NOX4: variants seen among roughly 807,000 people sequenced by gnomAD.
The protein encoded by NOX4 is NADPH oxidase 4, also known as kidney oxidase-1.
NOX4 carries 69 observed loss-of-function variants against 87.6 expected under a neutral mutation model. The observed-to-expected ratio is 0.79, with a 90% CI of 0.65 to 0.96. The LOEUF is 0.96. Among genes scored for constraint, NOX4 ranks in the 40% least tolerant of loss-of-function variants. The probability of loss-of-function intolerance (pLI) is 0.00; values close to 1 mark genes in which losing one functional copy is unlikely to be tolerated. For synonymous variants in NOX4, 275 were observed against 238.2 expected, an observed-to-expected ratio of 1.15 and a Z score of -1.42; for missense variants, 680 against 681.5, an observed-to-expected ratio of 1.00 and a Z score of 0.02.
intron 14 of NOX4, among the ~76,000 whole-genome samples, chr11:89,341,095 T>G (rs1945978332): frequency 1.3e-5 from 2 of 151,844 alleles, no homozygotes; most frequent in Non-Finnish European, 1.5e-5. Context: ...TAAGTTTTAG[T>G]TTAGTATTTC....
At chr11:89,397,042 T>C (rs1941542133) in intron 11 of NOX4, among the ~76,000 whole-genome samples, 1 of 152,140 alleles carries the variant, frequency 6.6e-6, no homozygotes, top group African/African-American at 2.4e-5. Flanking sequence ...ATTACACTTA[T>C]TCCAAAATTG....
At chr11:89,531,049 C>G in the NOX4 span, among the ~76,000 whole-genome samples, 2 of 152,152 alleles carry the variant, frequency 1.3e-5, no homozygotes, top group African/African-American at 2.4e-5. Flanking sequence ...TTATAATTTG[C>G]TGTCCTGTTT....
rs12365501 is a variant in NOX4 at position 89,341,665 on chromosome 11, T to A, written c.1337+409A>T. ...TACTTGCCCCATTTGAATGTAAGTT[T>A]TTTAAGGGCAGGGACTCTGTTTTCA... On this transcript the variant is annotated intron_variant, in intron 14 of 17. Transcript: ENST00000263317. Among the ~76,000 whole-genome samples, 831 of 152,324 alleles carry A rather than the reference T, an allele frequency of 5.5e-3. 5 individuals carry two copies. The highest frequency in any genetic ancestry group is 6.8e-3 in the Middle Eastern group (2 of 294).
Position 89,346,980 on chromosome 11 carries a change from T to C in NOX4, c.1218-4787A>G, listed in dbSNP as rs2088950. ...ACATCAGTAGCATTAGGCATTCTTATAACTACATTCCACACTCTAGTCAGA... is the reference window on the plus strand; with the variant it reads ...ACATCAGTAGCATTAGGCATTCTTACAACTACATTCCACACTCTAGTCAGA... On this transcript the variant is annotated intron_variant, in intron 13 of 17. Coordinates refer to ENST00000263317, the MANE Select transcript of NOX4 (RefSeq NM_016931.5). Among the ~76,000 whole-genome samples the C allele has an allele frequency of 4.3e-3, 654 of 152,322 alleles. 8 individuals carry two copies. The highest frequency in any genetic ancestry group is 0.015 in the African/African-American group (633 of 41,582).
the NOX4 span, among the ~76,000 whole-genome samples, chr11:89,508,341 G>A: frequency 6.6e-6 from 1 of 152,120 alleles, no homozygotes; most frequent in Admixed American, 6.6e-5. Context: ...CCTGTGGCCA[G>A]ACAGCCCAGG....
the NOX4 span, among the ~76,000 whole-genome samples, chr11:89,526,455 TA>T: frequency 6.6e-6 from 1 of 152,158 alleles, no homozygotes; most frequent in Non-Finnish European, 1.5e-5. Context: ...TTTCAAGTCT[TA>T]TATAAGGAAT....
intron 13 of NOX4, among the ~76,000 whole-genome samples, chr11:89,349,832 T>A (rs1187975510): frequency 6.6e-6 from 1 of 152,230 alleles, no homozygotes; most frequent in African/African-American, 2.4e-5. Context: ...TGGTTGCAAG[T>A]AATTTGTGGA....
At chr11:89,477,182 T>C (rs898247838) in intron 2 of NOX4, among the ~76,000 whole-genome samples, 1 of 152,122 alleles carries the variant, frequency 6.6e-6, no homozygotes, top group Non-Finnish European at 1.5e-5. Flanking sequence ...GGAGAATCAG[T>C]GATTGCCCTG....
intron 7 of NOX4, among the ~76,000 whole-genome samples, chr11:89,430,155 C>T (rs528676458): frequency 1.3e-5 from 2 of 152,082 alleles, no homozygotes; most frequent in Admixed American, 6.6e-5. Context: ...ATTCAACAAC[C>T]CTTCATGCTA....
At chr11:89,335,817 T>C (rs371639024) in intron 17 of NOX4, 28 bp downstream of exon 17, 3 of 990,860 alleles carry the variant, frequency 3.0e-6, no homozygotes, top group Non-Finnish European at 4.5e-6. Context: ...ATTAGCCACA[T>C]ATCAAATTTT....
intron 7 of NOX4, among the ~76,000 whole-genome samples, chr11:89,427,870 G>A (rs966147178): frequency 9.2e-5 from 14 of 152,102 alleles, no homozygotes; most frequent in East Asian, 3.9e-4. Context: ...TACAGAGAAC[G>A]CCACAAAGAT....
chr11:89,383,184 C>A (rs1301246552), intron 11 of NOX4, among the ~76,000 whole-genome samples: 3 of 152,198 alleles, frequency 2.0e-5, no homozygotes, highest in African/African-American at 7.2e-5. Flanking sequence ...TTGCAGCACA[C>A]AAGAACTTCA....
the NOX4 span, among the ~76,000 whole-genome samples, chr11:89,559,117 G>T: frequency 6.6e-6 from 1 of 151,916 alleles, no homozygotes; most frequent in Admixed American, 6.6e-5. Flanking sequence ...TTAAGTGCCT[G>T]TCATATGCTA....
At chr11:89,549,564 A>G in the NOX4 span, among the ~76,000 whole-genome samples, 1 of 152,192 alleles carries the variant, frequency 6.6e-6, no homozygotes, top group African/African-American at 2.4e-5. Context: ...ATAGGTATAC[A>G]TGTGCCATGG....
chr11:89,560,962 G>C, the NOX4 span, among the ~76,000 whole-genome samples: 19,575 of 47,674 alleles, frequency 0.41, 6,062 homozygotes, highest in Middle Eastern at 0.55. Context: ...ATCTCATCTC[G>C]TCTCTCTCTC....
chr11:89,431,990 G>A (rs1463758620), intron 7 of NOX4, among the ~76,000 whole-genome samples: 1 of 152,104 alleles, frequency 6.6e-6, no homozygotes, highest in Non-Finnish European at 1.5e-5. Context: ...AGAATATGTG[G>A]CACATATACA....
chr11:89,349,810 T>C (rs1203367078), intron 13 of NOX4, among the ~76,000 whole-genome samples: 1 of 152,198 alleles, frequency 6.6e-6, no homozygotes, highest in Admixed American at 6.5e-5. Context: ...TTTGCTGGTT[T>C]AATTGCCAAA....
At chr11:89,385,464 CA>C (rs1940634611) in intron 11 of NOX4, among the ~76,000 whole-genome samples, 1 of 152,182 alleles carries the variant, frequency 6.6e-6, no homozygotes, top group Non-Finnish European at 1.5e-5. Context: ...TTCCAACTAT[CA>C]ATCTCTTCCC....
chr11:89,491,986 C>T (rs1244324771), upstream of NOX4: 2 of 152,190 alleles, frequency 1.3e-5, no homozygotes, highest in Non-Finnish European at 2.9e-5. Flanking sequence ...CTTGCCCGCC[C>T]ATCCCATACT....
Sources: allele counts gnomAD v4.1 joint callset (sites outside exome capture counted in the v4.1 genomes callset), GRCh38; gene constraint gnomAD v4.1.1; transcripts MANE v1.5; gene names NCBI Gene and HGNC (gene_info 2026-07-23, HGNC 2026-07-21).